The following GRM3 variants were observed in gnomAD, a reference collection of about 807,000 sequenced individuals.
The protein encoded by GRM3 is metabotropic glutamate receptor 3.
In GRM3, 26 loss-of-function variants were observed where a neutral mutation model predicts 70.5. That is an observed-to-expected ratio of 0.37 (90% CI 0.27 to 0.51). The LOEUF (loss-of-function observed/expected upper bound fraction) is 0.51, where lower values mean the gene tolerates loss of function less well. Among genes scored for constraint, GRM3 ranks in the 20% least tolerant of loss-of-function variants. The pLI is 0.93. For synonymous variants in GRM3, 443 were observed against 434.9 expected, an observed-to-expected ratio of 1.02 and a Z score of -0.23; for missense variants, 859 against 1,123.8, an observed-to-expected ratio of 0.76 and a Z score of 3.37.
intron 1 of GRM3, among the ~76,000 whole-genome samples, chr7:86,732,425 GGCAGTT>G (rs3838255): frequency 0.35 from 53,469 of 151,590 alleles, 10,577 homozygotes; most frequent in African/African-American, 0.55. Flanking sequence ...TGGCTATAGA[GGCAGTT>G]GTTAGTGTTC....
chr7:86,856,830 T>C (rs557877068), intron 5 of GRM3, among the ~76,000 whole-genome samples: 6 of 152,324 alleles, frequency 3.9e-5, no homozygotes, highest in African/African-American at 1.4e-4. Context: ...ATCTCTAATA[T>C]GTTGCTAGGT....
chr7:86,826,000 TA>T (rs1798225894), intron 3 of GRM3, among the ~76,000 whole-genome samples: 1 of 152,234 alleles, frequency 6.6e-6, no homozygotes, highest in Non-Finnish European at 1.5e-5. Flanking sequence ...ATGGGATGTT[TA>T]TGCCTTTTTA....
At chr7:86,749,258 T>C (rs982405110) in intron 1 of GRM3, among the ~76,000 whole-genome samples, 13 of 152,030 alleles carry the variant, frequency 8.6e-5, no homozygotes, top group African/African-American at 2.4e-4. Flanking sequence ...TTGGGTGACA[T>C]CTTGTGTGCC....
At chr7:86,744,107 T>G (rs1253971154) in intron 1 of GRM3, among the ~76,000 whole-genome samples, 2 of 152,032 alleles carry the variant, frequency 1.3e-5, no homozygotes, top group East Asian at 3.9e-4. Flanking sequence ...TCCTTATGAA[T>G]CCACTATACG....
chr7:86,729,089 T>C (rs1029883236), intron 1 of GRM3, among the ~76,000 whole-genome samples: 1 of 152,214 alleles, frequency 6.6e-6, no homozygotes, highest in Non-Finnish European at 1.5e-5. Flanking sequence ...AAATTACTTC[T>C]GATTAGCTTC....
Position 86,786,207 on chromosome 7 carries a change from T to A in GRM3, c.469-54T>A. The A allele has an allele frequency of 6.7e-7, 1 of 1,485,922 alleles. No homozygotes were observed. The highest frequency in any genetic ancestry group is 9.2e-7 in the Non-Finnish European group (1 of 1,089,230). The allele number at this position is 1,485,922 out of a possible 1,614,324, so 92.0% of individuals were successfully genotyped here. A position where few individuals can be genotyped will look rare whatever the true frequency, so the allele number is the denominator to read the frequency against. ...GTGGATGCTATTATTCATTTTCATG[T>A]CCAGTCATCTACCTCGGGGTTTCTA... On this transcript the variant is annotated intron_variant, in intron 2 of 5. Coordinates refer to ENST00000361669, the MANE Select transcript of GRM3 (RefSeq NM_000840.3). The surrounding 1 kb of genome is among the most constrained non-coding windows in gnomAD (Gnocchi z 6.0).
intron 3 of GRM3, among the ~76,000 whole-genome samples, chr7:86,804,647 A>C (rs55664230): frequency 0.046 from 6,978 of 152,140 alleles, 209 homozygotes; most frequent in Non-Finnish European, 0.063. Context: ...CTGATCTCAG[A>C]TGATCCGCCC....
intron 1 of GRM3, among the ~76,000 whole-genome samples, chr7:86,693,840 A>C (rs1035904558): frequency 1.3e-5 from 2 of 152,242 alleles, no homozygotes; most frequent in Non-Finnish European, 2.9e-5. Context: ...AGTAAAAACT[A>C]TCTCTTCCTT....
In GRM3 at chr7:86,750,466, CAT is replaced by C. The variant is rs1204751059; in HGVS notation, c.-140-14537_-140-14536del. Among the ~76,000 whole-genome samples the C allele has an allele frequency of 3.3e-5, 5 of 151,990 alleles. 1 individual carries two copies. Among genetic ancestry groups the C allele is most frequent in the South Asian group, 4.1e-4 (2 of 4,834 alleles). On this transcript the variant is annotated intron_variant, in intron 1 of 5. Coordinates refer to ENST00000361669, the MANE Select transcript of GRM3 (RefSeq NM_000840.3). The stretch of plus-strand genomic sequence containing the variant: ...GAATTAGCTTGCCCAGACTTGGAAA[CAT>C]ATGCTGTGTTAGGAATGAAAAGAAA...
chr7:86,856,440 C>A (rs1340897515), intron 5 of GRM3, among the ~76,000 whole-genome samples: 4 of 140,004 alleles, frequency 2.9e-5, no homozygotes, highest in Non-Finnish European at 6.1e-5. Context: ...AGCAAGACTC[C>A]ATCGCCCTCT....
intron 1 of GRM3, among the ~76,000 whole-genome samples, chr7:86,700,049 G>T (rs140304076): frequency 6.6e-6 from 1 of 152,050 alleles, no homozygotes; most frequent in African/African-American, 2.4e-5. Flanking sequence ...CCAGAGGCTG[G>T]TAATATTCCT....
chr7:86,817,392 G>A (rs889244259), intron 3 of GRM3, among the ~76,000 whole-genome samples: 4 of 151,794 alleles, frequency 2.6e-5, no homozygotes, highest in East Asian at 3.9e-4. Flanking sequence ...TCAATGAGGC[G>A]GATCAAAGCC....
At chr7:86,830,042 T>C (rs1478881256) in intron 3 of GRM3, among the ~76,000 whole-genome samples, 6 of 152,210 alleles carry the variant, frequency 3.9e-5, no homozygotes, top group Non-Finnish European at 5.9e-5. Context: ...GAAAATGCTG[T>C]CAGTGCCTCA....
rs902331345 is a variant in GRM3 at position 86,797,731 on chromosome 7, G to C, written c.1324+10615G>C. 8.5e-5 allele frequency among the ~76,000 whole-genome samples: 13 copies of C among 152,284 alleles called. No individual in the cohort carries two copies. The South Asian group carries it at 2.7e-3, about 32-fold the overall frequency. ...TCAAATGTTAATTGCTAAGACAATT[G>C]GGAAAATATCTCCAGGACATGTCAG... On this transcript the variant is annotated intron_variant, in intron 3 of 5. Coordinates refer to ENST00000361669, the MANE Select transcript of GRM3 (RefSeq NM_000840.3).
intron 1 of GRM3, among the ~76,000 whole-genome samples, chr7:86,763,027 C>T (rs1042862062): frequency 6.6e-6 from 1 of 152,136 alleles, no homozygotes; most frequent in Non-Finnish European, 1.5e-5. Context: ...GCAAGGGAAA[C>T]TCAGTATACA....
intron 3 of GRM3, among the ~76,000 whole-genome samples, chr7:86,789,501 C>T (rs1454863839): frequency 6.6e-6 from 1 of 152,182 alleles, no homozygotes; most frequent in Non-Finnish European, 1.5e-5. Context: ...GCTTGAGATG[C>T]ACTATGGAAT....
intron 3 of GRM3, among the ~76,000 whole-genome samples, chr7:86,819,072 C>T (rs557857153): frequency 4.6e-5 from 7 of 152,238 alleles, no homozygotes; most frequent in African/African-American, 1.2e-4. Context: ...TGTATCCCCA[C>T]GGAGTCCTGA....
intron 3 of GRM3, among the ~76,000 whole-genome samples, chr7:86,798,968 A>G (rs1193381856): frequency 1.3e-5 from 2 of 149,634 alleles, no homozygotes; most frequent in African/African-American, 2.5e-5. Flanking sequence ...CTGAGTCTGT[A>G]AACCTCTTTC....
chr7:86,780,484 C>G (rs527922507), intron 2 of GRM3, among the ~76,000 whole-genome samples: 8 of 152,128 alleles, frequency 5.3e-5, no homozygotes, highest in Non-Finnish European at 8.8e-5. Context: ...CACCTAAGTC[C>G]TGGATAAATT....
Sources: gnomAD v4.1 joint callset for allele counts (sites outside exome capture counted in the v4.1 genomes callset) on GRCh38, gnomAD v4.1.1 for gene constraint, Gnocchi (gnomAD v3.1) non-coding constraint, MANE v1.5 for transcripts, NCBI Gene and HGNC (gene_info 2026-07-23, HGNC 2026-07-21) for gene names.